Variants in SPTLC1 observed in about 807,000 individuals in gnomAD.
SPTLC1 encodes serine palmitoyltransferase 1.
Under a neutral mutation model 68.9 loss-of-function variants are expected in SPTLC1, and 55 were observed. The ratio of observed to expected loss-of-function variants is 0.80; its 90% CI spans 0.64 to 1.00. SPTLC1 has a LOEUF of 1.00. Among genes scored for constraint, SPTLC1 ranks in the 50% least tolerant of loss-of-function variants. The pLI is 0.00. For missense variants in SPTLC1, 449 were observed against 573.1 expected, an observed-to-expected ratio of 0.78 and a Z score of 2.21; for synonymous variants, 197 against 201.6, an observed-to-expected ratio of 0.98 and a Z score of 0.19.
At position 92,031,468 on chromosome 9, in the gene SPTLC1, A is replaced by G. The variant is rs1303474169; in HGVS notation, c.*997T>C. ...TACACCACATAACCTGGTTTGCTAA[A>G]GAAAAAACAGGTAAAGTACTGCTTA... On this transcript the variant is annotated 3_prime_UTR_variant, in exon 15 of 15. Transcript: ENST00000262554. 3 of 152,242 alleles carry G rather than the reference A, an allele frequency of 2.0e-5. No homozygotes were observed. Among genetic ancestry groups the G allele is most frequent in the African/African-American group, 7.2e-5 (3 of 41,460 alleles). The allele number at this position is 152,242 out of a possible 1,614,324, so 9.4% of individuals were successfully genotyped here. A position where few individuals can be genotyped will look rare whatever the true frequency, so the allele number is the denominator to read the frequency against.
In SPTLC1 at chr9:92,041,836, A is replaced by G. The variant is rs1038000504; in HGVS notation, c.1137-3471T>C. On this transcript the variant is annotated intron_variant, in intron 12 of 14. Coordinates refer to ENST00000262554, the MANE Select transcript of SPTLC1 (RefSeq NM_006415.4). ...ATCAGAAAATATTTCAATGTAATTC[A>G]GCCATAAGACAAATTTATGATTTAC... is the stretch of plus-strand genomic sequence containing the variant. 3.9e-5 allele frequency among the ~76,000 whole-genome samples: 6 copies of G among 152,380 alleles called. No individual in the cohort carries two copies. The South Asian group carries it at 8.3e-4, about 21-fold the overall frequency.
chr9:92,033,659 G>A (rs772980058), intron 14 of SPTLC1, among the ~76,000 whole-genome samples: 12 of 152,202 alleles, frequency 7.9e-5, no homozygotes, highest in Non-Finnish European at 1.6e-4. Flanking sequence ...GGAACCAGGT[G>A]ATTTTCCCAC....
At chr9:92,080,781 C>T (rs1185824980) in intron 4 of SPTLC1, 89 bp downstream of exon 4, 14 of 1,044,234 alleles carry the variant, frequency 1.3e-5, no homozygotes, top group Non-Finnish European at 1.9e-5. Flanking sequence ...CTGAAGTGAT[C>T]CACCACGCCC....
At chr9:92,085,649 G>C (rs1835092499) in intron 3 of SPTLC1, among the ~76,000 whole-genome samples, 1 of 149,494 alleles carries the variant, frequency 6.7e-6, no homozygotes, top group African/African-American at 2.5e-5. Context: ...GCTGAGGAGA[G>C]CTTTACTTCC....
chr9:92,079,770 C>T (rs147700942), intron 5 of SPTLC1: 28 of 651,254 alleles, frequency 4.3e-5, no homozygotes, highest in Middle Eastern at 6.1e-4. Context: ...TCGTTCCTCA[C>T]GCTGCAATCC....
chr9:92,060,921 A>C (rs1834076842), intron 6 of SPTLC1, among the ~76,000 whole-genome samples: 1 of 151,618 alleles, frequency 6.6e-6, no homozygotes, highest in African/African-American at 2.4e-5. Flanking sequence ...TCAAAAAAAA[A>C]AAAAACAAAG....
At chr9:92,079,656 C>A (rs1380889607) in intron 5 of SPTLC1, 3 of 1,195,480 alleles carry the variant, frequency 2.5e-6, no homozygotes, top group East Asian at 4.7e-5. Flanking sequence ...TGTTTCTCAG[C>A]CCCCTGCGTG....
intron 1 of SPTLC1, 170 bp downstream of exon 1, chr9:92,115,144 C>T: frequency 1.5e-6 from 1 of 649,008 alleles, no homozygotes. Context: ...TTCCTCCCTA[C>T]ACTCAACCGC....
intron 14 of SPTLC1, among the ~76,000 whole-genome samples, chr9:92,034,005 C>G (rs1833058004): frequency 6.6e-6 from 1 of 152,240 alleles, no homozygotes; most frequent in Non-Finnish European, 1.5e-5. Context: ...CTCTCCAGCT[C>G]TTCTGCGGCT....
intron 3 of SPTLC1, among the ~76,000 whole-genome samples, chr9:92,101,775 A>G (rs1281644774): frequency 1.3e-5 from 2 of 151,038 alleles, no homozygotes; most frequent in African/African-American, 4.9e-5. Context: ...AAAAGAATCA[A>G]AGAAAGTCTA....
chr9:92,051,876 ATACT>A (rs746573038), intron 8 of SPTLC1, among the ~76,000 whole-genome samples: 12 of 152,224 alleles, frequency 7.9e-5, no homozygotes, highest in Non-Finnish European at 1.5e-4. Context: ...AAAAAATCAA[ATACT>A]TAGTGATAAA....
chr9:92,038,211 T>G, intron 13 of SPTLC1, 37 bp downstream of exon 13: 1 of 1,361,084 alleles, frequency 7.3e-7, no homozygotes, highest in African/African-American at 1.4e-5. Context: ...AGGGCAGAAG[T>G]GGTGTGGGGG....
At chr9:92,071,508 A>G (rs1185202826) in intron 5 of SPTLC1, among the ~76,000 whole-genome samples, 2 of 152,206 alleles carry the variant, frequency 1.3e-5, no homozygotes, top group African/African-American at 4.8e-5. Flanking sequence ...ACAGAGCCAA[A>G]TGTTTTTCAT....
At chr9:92,048,750 TAA>T (rs1421965453) in intron 9 of SPTLC1, among the ~76,000 whole-genome samples, 1 of 152,260 alleles carries the variant, frequency 6.6e-6, no homozygotes, top group African/African-American at 2.4e-5. Context: ...TTTTAAATGT[TAA>T]GTTTAAATTT....
chr9:92,084,193 A>G (rs1444490418), intron 3 of SPTLC1, among the ~76,000 whole-genome samples: 1 of 151,166 alleles, frequency 6.6e-6, no homozygotes, highest in Non-Finnish European at 1.5e-5. Flanking sequence ...GCAAACAGGG[A>G]CAATTTGACT....
chr9:92,079,168 C>T (rs1798450913), intron 5 of SPTLC1: 1 of 381,790 alleles, frequency 2.6e-6, no homozygotes, highest in Non-Finnish European at 4.0e-6. Flanking sequence ...CTCTGCCTCC[C>T]AGGTTGAAGC....
rs1833551655 is a variant in SPTLC1 at position 92,047,357 on chromosome 9, G to A, written c.985-89C>T. 1.0e-5 allele frequency: 11 copies of A among 1,089,666 alleles called. No individual in the cohort carries two copies. The South Asian group carries it at 1.2e-4, about 11-fold the overall frequency. 67.5% of individuals were successfully genotyped at this position (1,089,666 alleles called of 1,614,324 possible). A position where few individuals can be genotyped will look rare whatever the true frequency, so the allele number is the denominator to read the frequency against. ...GCACCAGTTCTCTAGAACAACTACT[G>A]AACAGTGTGTACATGTGGTGAGGGG... On this transcript the variant is annotated intron_variant, in intron 10 of 14. Coordinates refer to ENST00000262554, the MANE Select transcript of SPTLC1 (RefSeq NM_006415.4).
At position 92,033,010 on chromosome 9, in the gene SPTLC1, T is replaced by C. The variant is rs565050297; in HGVS notation, c.1329-452A>G. ...CCTATTTTTGTAAACAAACCTCTCCTGGCAGTCCTCCCAATAGGCCTGTCT... is the reference window on the plus strand; with the variant it reads ...CCTATTTTTGTAAACAAACCTCTCCCGGCAGTCCTCCCAATAGGCCTGTCT... On this transcript the variant is annotated intron_variant, in intron 14 of 14. Transcript: ENST00000262554. Among the ~76,000 whole-genome samples, 6 of 152,360 alleles carry C rather than the reference T, an allele frequency of 3.9e-5. No homozygotes were observed. The South Asian group carries it at 1.0e-3, about 26-fold the overall frequency.
chr9:92,085,852 TC>T (rs1835102418), intron 3 of SPTLC1, among the ~76,000 whole-genome samples: 7 of 151,556 alleles, frequency 4.6e-5, no homozygotes, highest in Admixed American at 4.6e-4. Flanking sequence ...TGTTAAAGTC[TC>T]CCATTATTAA....
Sources: gnomAD v4.1 joint callset for allele counts (sites outside exome capture counted in the v4.1 genomes callset) on GRCh38, gnomAD v4.1.1 for gene constraint, MANE v1.5 for transcripts, NCBI Gene and HGNC (gene_info 2026-07-23, HGNC 2026-07-21) for gene names.